GABRB2: variants seen among roughly 807,000 people sequenced by gnomAD.
GABRB2 encodes gamma-aminobutyric acid type A receptor subunit beta2.
GABRB2 carries 16 observed loss-of-function variants against 54.7 expected under a neutral mutation model. The observed-to-expected ratio is 0.29, with a 90% CI of 0.20 to 0.44. The LOEUF is 0.44. Among genes scored for constraint, GABRB2 ranks in the 20% least tolerant of loss-of-function variants. The probability of loss-of-function intolerance (pLI) is 1.00; values close to 1 mark genes in which losing one functional copy is unlikely to be tolerated. For missense variants in GABRB2, 355 were observed against 644.0 expected (o/e 0.55, Z 4.86); for synonymous variants, 244 against 233.8 (o/e 1.04, Z -0.40).
At chr5:161,308,166 A>C (rs937743250) in intron 9 of GABRB2, among the ~76,000 whole-genome samples, 1 of 152,100 alleles carries the variant, frequency 6.6e-6, no homozygotes, top group African/African-American at 2.4e-5. Context: ...CAGCTGACTA[A>C]TTCTTTATAT....
At chr5:161,529,703 T>G (rs1000889055) in intron 3 of GABRB2, among the ~76,000 whole-genome samples, 1 of 152,076 alleles carries the variant, frequency 6.6e-6, no homozygotes, top group African/African-American at 2.4e-5. Context: ...TATATCCCAA[T>G]TGTATGTCAA....
At chr5:161,451,117 G>C (rs543716159) in intron 4 of GABRB2, among the ~76,000 whole-genome samples, 1 of 152,286 alleles carries the variant, frequency 6.6e-6, no homozygotes, top group South Asian at 2.1e-4. Flanking sequence ...TTTCAGAGTA[G>C]AGGAAGAGGA....
chr5:161,422,837 A>C (rs1439378306), intron 4 of GABRB2, among the ~76,000 whole-genome samples: 1 of 152,176 alleles, frequency 6.6e-6, no homozygotes, highest in Non-Finnish European at 1.5e-5. Context: ...GCTTCCATAA[A>C]CTGCATGTGC....
At chr5:161,419,278 G>A (rs971701510) in intron 4 of GABRB2, among the ~76,000 whole-genome samples, 11 of 152,074 alleles carry the variant, frequency 7.2e-5, no homozygotes, top group African/African-American at 1.9e-4. Flanking sequence ...CATCCCAGTC[G>A]GAATGGCTAT....
intron 5 of GABRB2, among the ~76,000 whole-genome samples, chr5:161,384,490 CA>C (rs1755564103): frequency 6.6e-6 from 1 of 152,112 alleles, no homozygotes. Context: ...TAACAGTGTT[CA>C]ACTTCATTCC....
chr5:161,414,444 T>A lies in GABRB2; in HGVS notation c.459-3387A>T, dbSNP rs562523876. ...ACTAGAAGTTATTTGGCAGTATGAG[T>A]ACATGTTTATATACATAAAGACATG... On this transcript the variant is annotated intron_variant, in intron 4 of 9. Transcript: ENST00000393959. 2.0e-3 allele frequency among the ~76,000 whole-genome samples: 298 copies of A among 152,328 alleles called. 1 individual carries two copies. Among genetic ancestry groups the A allele is most frequent in the Non-Finnish European group, 3.2e-3 (218 of 68,028 alleles).
intron 4 of GABRB2, among the ~76,000 whole-genome samples, chr5:161,437,021 G>T (rs1187190605): frequency 6.6e-6 from 1 of 152,132 alleles, no homozygotes. Flanking sequence ...AAGGGCTACA[G>T]TACTCTGAGT....
intron 4 of GABRB2, among the ~76,000 whole-genome samples, chr5:161,437,816 G>C (rs1273453563): frequency 6.6e-6 from 1 of 152,116 alleles, no homozygotes; most frequent in Non-Finnish European, 1.5e-5. Flanking sequence ...CCTGCCATTG[G>C]ATAAGGGGAG....
At chr5:161,481,437 T>A (rs1354567155) in intron 3 of GABRB2, among the ~76,000 whole-genome samples, 1 of 152,044 alleles carries the variant, frequency 6.6e-6, no homozygotes, top group African/African-American at 2.4e-5. Context: ...GACCGTATAG[T>A]AAATGAACTT....
At chr5:161,407,618 G>C (rs893479711) in intron 5 of GABRB2, among the ~76,000 whole-genome samples, 1 of 151,826 alleles carries the variant, frequency 6.6e-6, no homozygotes, top group African/African-American at 2.4e-5. Flanking sequence ...GTGCTTTTTG[G>C]GTGACATTTC....
chr5:161,523,145 C>T (rs1581056922), intron 3 of GABRB2, among the ~76,000 whole-genome samples: 3 of 151,260 alleles, frequency 2.0e-5, no homozygotes, highest in Admixed American at 1.3e-4. Flanking sequence ...TAATTTGGAC[C>T]ATATAACATA....
chr5:161,305,095 C>A (rs1261009918), intron 9 of GABRB2, among the ~76,000 whole-genome samples: 1 of 144,666 alleles, frequency 6.9e-6, no homozygotes, highest in South Asian at 2.1e-4. Context: ...CGGCTCACTG[C>A]AAGCTCCGCT....
At chr5:161,468,059 A>G (rs2113289150) in intron 3 of GABRB2, among the ~76,000 whole-genome samples, 1 of 152,196 alleles carries the variant, frequency 6.6e-6, no homozygotes, top group South Asian at 2.1e-4. Context: ...TCACAAGTCT[A>G]TTACATCTGT....
chr5:161,395,210 T>C (rs1035438000), intron 5 of GABRB2, among the ~76,000 whole-genome samples: 46 of 152,248 alleles, frequency 3.0e-4, no homozygotes, highest in African/African-American at 1.1e-3. Context: ...GGGATGGATA[T>C]ACTTTATATT....
chr5:161,318,449 A>G (rs182559669), intron 9 of GABRB2, among the ~76,000 whole-genome samples: 1 of 152,154 alleles, frequency 6.6e-6, no homozygotes, highest in East Asian at 1.9e-4. Context: ...ATACTCCCAA[A>G]TCATTGCTCA....
intron 4 of GABRB2, among the ~76,000 whole-genome samples, chr5:161,437,521 T>C (rs1383493377): frequency 1.3e-5 from 2 of 152,006 alleles, no homozygotes; most frequent in Non-Finnish European, 2.9e-5. Context: ...CTGAGGACCT[T>C]GGGTTATCCT....
At chr5:161,518,261 A>G (rs549665387) in intron 3 of GABRB2, among the ~76,000 whole-genome samples, 30 of 152,340 alleles carry the variant, frequency 2.0e-4, no homozygotes, top group African/African-American at 6.7e-4. Flanking sequence ...GAATAGGGAA[A>G]AGCAGTCATT....
At chr5:161,462,152 A>G (rs1188305254) in intron 3 of GABRB2, among the ~76,000 whole-genome samples, 1 of 152,192 alleles carries the variant, frequency 6.6e-6, no homozygotes, top group African/African-American at 2.4e-5. Flanking sequence ...ATCAAAAGAC[A>G]TATTAATATC....
rs891188399 is a variant in GABRB2, at chr5:161,292,661, T to C, written c.*1420A>G. The C allele has an allele frequency of 6.6e-6, 1 of 152,234 alleles. No individual in the cohort carries two copies. Among genetic ancestry groups the C allele is most frequent in the African/African-American group, 2.4e-5 (1 of 41,464 alleles). The allele number at this position is 152,234 out of a possible 1,614,324, so 9.4% of individuals were successfully genotyped here. On this transcript the variant is annotated 3_prime_UTR_variant, in exon 10 of 10. Transcript: ENST00000393959. ...CTTTGTTATTATTTTCCACTAGTTT[T>C]CATATTTTCCTTGATTAGGCAGATT...
Sources: gnomAD v4.1 joint callset for allele counts (sites outside exome capture counted in the v4.1 genomes callset) on GRCh38, gnomAD v4.1.1 for gene constraint, MANE v1.5 for transcripts, NCBI Gene and HGNC (gene_info 2026-07-23, HGNC 2026-07-21) for gene names.